The following AFG3L2 variants were observed in gnomAD, a reference collection of about 807,000 sequenced individuals.
AFG3L2 encodes the protein AFG3 like matrix AAA peptidase subunit 2.
AFG3L2 carries 54 observed loss-of-function variants against 94.5 expected under a neutral mutation model. That is an observed-to-expected ratio of 0.57 (90% CI 0.46 to 0.72). AFG3L2 has a LOEUF of 0.72. Among genes scored for constraint, AFG3L2 ranks in the 30% least tolerant of loss-of-function variants. The pLI is 0.00. For synonymous variants in AFG3L2, 377 were observed against 365.5 expected (o/e 1.03, Z -0.36); for missense variants, 754 against 994.9 (o/e 0.76, Z 3.26).
chr18:12,336,487 A>C (rs1181051130), intron 16 of AFG3L2, among the ~76,000 whole-genome samples: 4 of 152,162 alleles, frequency 2.6e-5, no homozygotes, highest in Non-Finnish European at 5.9e-5. Context: ...TTACCTGCCA[A>C]ACTATCCTTG....
intron 8 of AFG3L2, 94 bp from the exon 9 acceptor site, chr18:12,356,925 A>C (rs1479274654): frequency 1.6e-6 from 2 of 1,260,844 alleles, no homozygotes; most frequent in South Asian, 1.3e-5. Flanking sequence ...CTCTGTCTCT[A>C]AATCTTATTG....
chr18:12,353,183 A>C, intron 9 of AFG3L2, 25 bp from the exon 10 acceptor site: 1 of 1,613,240 alleles, frequency 6.2e-7, no homozygotes, highest in Non-Finnish European at 8.5e-7. Context: ...AAAGAGAGTC[A>C]CCTGACCAGA....
chr18:12,365,494 GCAC>G (rs2143212340), intron 5 of AFG3L2, among the ~76,000 whole-genome samples: 1 of 152,320 alleles, frequency 6.6e-6, no homozygotes, highest in South Asian at 2.1e-4. Flanking sequence ...GCATAAGGAA[GCAC>G]CAGGAACCCA....
intron 13 of AFG3L2, among the ~76,000 whole-genome samples, chr18:12,346,616 G>A (rs1434857070): frequency 2.0e-5 from 3 of 152,112 alleles, no homozygotes; most frequent in East Asian, 1.9e-4. Flanking sequence ...AAATACCATC[G>A]ATCATTATGT....
chr18:12,344,205 T>G lies in AFG3L2; in HGVS notation c.1706A>C (p.Lys569Thr), dbSNP rs758811358. The part of the protein sequence containing the change: ...KTQVLQPEEK[K>T]TVAYHEAGHA... Reference sequence around the variant, plus strand: ...GCCTGCTTCGTGGTATGCCACAGTCTTCTTCTCCTCAGGCTGCAGAACCTG... The same window carrying G: ...GCCTGCTTCGTGGTATGCCACAGTCGTCTTCTCCTCAGGCTGCAGAACCTG... Residue 569 changes from lysine (K) to threonine (T), a missense_variant, in exon 14 of 17, where the codon AAG becomes ACG. Lys to Thr is a moderately conservative substitution (Grantham distance 78). Transcript: ENST00000269143. The G allele has an allele frequency of 1.9e-5, 31 of 1,614,098 alleles. No homozygotes were observed. The Middle Eastern group carries it at 4.9e-4, about 26-fold the overall frequency.
chr18:12,361,263 G>A lies in AFG3L2; in HGVS notation c.628-1212C>T, dbSNP rs568486569. On this transcript the variant is annotated intron_variant, in intron 6 of 16. Transcript: ENST00000269143. ...CACCCACCTATAGGCCCAGCTACTTGGGAGGCATGAACCTGGGAGGCACAG... is the reference window on the plus strand; with the variant it reads ...CACCCACCTATAGGCCCAGCTACTTAGGAGGCATGAACCTGGGAGGCACAG... Among the ~76,000 whole-genome samples, 25 of 152,252 alleles carry A rather than the reference G, an allele frequency of 1.6e-4. No homozygotes were observed. In the South Asian group the frequency reaches 4.8e-3, roughly 29 times the overall value.
chr18:12,360,225 T>G, intron 6 of AFG3L2, 174 bp from the exon 7 acceptor site: 1 of 638,700 alleles, frequency 1.6e-6, no homozygotes, highest in Non-Finnish European at 2.6e-6. Context: ...TGTCACTCAT[T>G]GAGAACACTT....
intron 1 of AFG3L2, among the ~76,000 whole-genome samples, chr18:12,375,934 T>C (rs932531634): frequency 6.6e-6 from 1 of 152,106 alleles, no homozygotes; most frequent in Non-Finnish European, 1.5e-5. Context: ...TGAGCTGTGT[T>C]TGCGCCGCTG....
chr18:12,329,295 C>A lies in AFG3L2; in HGVS notation c.*270G>T. ...TTGGTGCCACAGGGTCCAGCCTCGG[C>A]CACTCTGGGCTCAACCTTTCCAGCA... On this transcript the variant is annotated 3_prime_UTR_variant, in exon 17 of 17. Transcript: ENST00000269143. 1 of 691,152 alleles carries A rather than the reference C, an allele frequency of 1.4e-6. No individual in the cohort carries two copies. The highest frequency in any genetic ancestry group is 2.6e-6 in the Non-Finnish European group (1 of 379,764). The allele number at this position is 691,152 out of a possible 1,614,324, so 42.8% of individuals were successfully genotyped here.
intron 2 of AFG3L2, among the ~76,000 whole-genome samples, chr18:12,371,259 C>A (rs9303771): frequency 0.28 from 42,405 of 150,424 alleles, 6,973 homozygotes; most frequent in African/African-American, 0.43. Flanking sequence ...GGTTGCAGTA[C>A]GCCAAGATCG....
intron 13 of AFG3L2, among the ~76,000 whole-genome samples, chr18:12,345,451 C>G (rs969883214): frequency 6.6e-6 from 1 of 152,242 alleles, no homozygotes; most frequent in Non-Finnish European, 1.5e-5. Flanking sequence ...GTTAAGGAGA[C>G]TGGAAGACAA....
chr18:12,345,088 G>A (rs752644472), intron 13 of AFG3L2, among the ~76,000 whole-genome samples: 26 of 152,182 alleles, frequency 1.7e-4, no homozygotes, highest in Non-Finnish European at 3.2e-4. Flanking sequence ...TTCAACACCC[G>A]GAGCTACCTA....
At chr18:12,357,056 A>C (rs563066538) in intron 8 of AFG3L2, among the ~76,000 whole-genome samples, 82 of 152,322 alleles carry the variant, frequency 5.4e-4, no homozygotes, top group African/African-American at 1.9e-3. Flanking sequence ...GTGAAATTTA[A>C]AATATTTCCT....
At chr18:12,376,262 C>T (rs1439063833) in intron 1 of AFG3L2, among the ~76,000 whole-genome samples, 2 of 152,228 alleles carry the variant, frequency 1.3e-5, no homozygotes, top group Non-Finnish European at 2.9e-5. Flanking sequence ...GGAACCGTGT[C>T]ACTTAAACAG....
At chr18:12,375,614 T>C (rs2509510) in intron 1 of AFG3L2, among the ~76,000 whole-genome samples, 48,944 of 151,888 alleles carry the variant, frequency 0.32, 9,790 homozygotes, top group African/African-American at 0.56. Flanking sequence ...GGCCCGCTCT[T>C]GGCTCACTGC....
chr18:12,334,016 AG>A (rs1215486252), intron 16 of AFG3L2, among the ~76,000 whole-genome samples: 11 of 152,188 alleles, frequency 7.2e-5, no homozygotes, highest in African/African-American at 2.7e-4. Context: ...ATGAGGTCAC[AG>A]GGTTTTCAGA....
intron 16 of AFG3L2, among the ~76,000 whole-genome samples, chr18:12,336,602 C>T (rs1907750600): frequency 6.6e-6 from 1 of 152,210 alleles, no homozygotes; most frequent in Non-Finnish European, 1.5e-5. Context: ...TGCAATTCCC[C>T]TGTCTTGAGA....
At chr18:12,373,391 C>A (rs1909049766) in intron 1 of AFG3L2, among the ~76,000 whole-genome samples, 1 of 152,152 alleles carries the variant, frequency 6.6e-6, no homozygotes, top group Non-Finnish European at 1.5e-5. Context: ...GGAATCAGAA[C>A]CAGTTCCCAC....
chr18:12,339,582 G>A lies in AFG3L2; in HGVS notation c.1980+619C>T, dbSNP rs575984164. 1.3e-4 allele frequency among the ~76,000 whole-genome samples: 19 copies of A among 148,166 alleles called. No individual in the cohort carries two copies. The South Asian group carries it at 1.5e-3, about 12-fold the overall frequency. On this transcript the variant is annotated intron_variant, in intron 15 of 16. Transcript: ENST00000269143. ...AAAAAAAAAAACAAAAAAGCTGGGC[G>A]CAGTGGCTCACGCCTGTAATCCCAG...
Sources: gnomAD v4.1 joint callset for allele counts (sites outside exome capture counted in the v4.1 genomes callset) on GRCh38, gnomAD v4.1.1 for gene constraint, MANE v1.5 for transcripts, NCBI Gene and HGNC (gene_info 2026-07-23, HGNC 2026-07-21) for gene names.